The following GRM1 variants were observed in gnomAD, a reference collection of about 807,000 sequenced individuals.
GRM1 encodes the protein metabotropic glutamate receptor 1.
A neutral mutation model predicts 90.9 loss-of-function variants in GRM1; 33 were observed. The ratio of observed to expected loss-of-function variants is 0.36; its 90% CI spans 0.28 to 0.49. The LOEUF is 0.49. GRM1 is among the 20% of genes least tolerant of loss of function. The pLI, the probability that GRM1 is intolerant of heterozygous loss-of-function variation, is 0.99. For synonymous variants in GRM1, 700 were observed against 613.2 expected (o/e 1.14, Z -2.09); for missense variants, 1,190 against 1,534.3 (o/e 0.78, Z 3.75).
chr6:146,328,753 T>C (rs1784485093), intron 3 of GRM1, among the ~76,000 whole-genome samples: 1 of 152,214 alleles, frequency 6.6e-6, no homozygotes, highest in Non-Finnish European at 1.5e-5. Context: ...ATTCTTCACC[T>C]TTCCAGTTGT....
chr6:146,419,083 T>C (rs978358496), intron 7 of GRM1, among the ~76,000 whole-genome samples: 6 of 152,126 alleles, frequency 3.9e-5, no homozygotes, highest in Non-Finnish European at 5.9e-5. Flanking sequence ...TTCGCCTACA[T>C]TGCAATGTGA....
At chr6:146,062,328 C>T (rs895765159) in intron 1 of GRM1, among the ~76,000 whole-genome samples, 1 of 145,718 alleles carries the variant, frequency 6.9e-6, no homozygotes, top group Non-Finnish European at 1.5e-5. Flanking sequence ...GAACATCACA[C>T]ACTAGGGCCT....
intron 2 of GRM1, among the ~76,000 whole-genome samples, chr6:146,245,264 C>T (rs1007279731): frequency 6.6e-6 from 1 of 152,180 alleles, no homozygotes; most frequent in East Asian, 1.9e-4. Flanking sequence ...TAAGCTCATA[C>T]AAAAAAGTAG....
intron 1 of GRM1, among the ~76,000 whole-genome samples, chr6:146,079,999 G>C (rs1213358806): frequency 6.6e-6 from 1 of 152,160 alleles, no homozygotes; most frequent in African/African-American, 2.4e-5. Flanking sequence ...TTCACTATAG[G>C]TTTGCCCCAG....
chr6:146,269,090 T>G (rs1195167638), intron 2 of GRM1, among the ~76,000 whole-genome samples: 1 of 152,172 alleles, frequency 6.6e-6, no homozygotes, highest in Non-Finnish European at 1.5e-5. Context: ...CAACAACATA[T>G]GTATTCCTTA....
In GRM1 at chr6:146,109,721, T is replaced by C. The variant is rs141064669; in HGVS notation, c.701-49627T>C. 1.8e-3 allele frequency among the ~76,000 whole-genome samples: 271 copies of C among 152,220 alleles called. 2 individuals are homozygous for C. The highest frequency in any genetic ancestry group is 6.3e-3 in the African/African-American group (263 of 41,550). On this transcript the variant is annotated intron_variant, in intron 1 of 7. Coordinates refer to ENST00000282753, the MANE Select transcript of GRM1 (RefSeq NM_001278064.2). ...ACCTGGAAAATCCATAGATACTCAA[T>C]TCCGGCCCACGAAAACAGCCAGAAG...
At chr6:146,075,817 C>T (rs1192491236) in intron 1 of GRM1, among the ~76,000 whole-genome samples, 1 of 152,190 alleles carries the variant, frequency 6.6e-6, no homozygotes, top group African/African-American at 2.4e-5. Context: ...GCAATCTCTG[C>T]TCCATCTCTT....
chr6:146,405,386 G>C (rs1169093269), intron 7 of GRM1, among the ~76,000 whole-genome samples: 1 of 152,150 alleles, frequency 6.6e-6, no homozygotes, highest in East Asian at 1.9e-4. Context: ...GTAGACAAAG[G>C]TTATCAAAAA....
chr6:146,084,601 ATTGT>A (rs1776479861), intron 1 of GRM1, among the ~76,000 whole-genome samples: 1 of 151,830 alleles, frequency 6.6e-6, no homozygotes, highest in Non-Finnish European at 1.5e-5. Context: ...GGTCTGAGGG[ATTGT>A]TTGTTGTGAT....
At chr6:146,382,800 T>G (rs1776363842) in intron 5 of GRM1, among the ~76,000 whole-genome samples, 1 of 152,182 alleles carries the variant, frequency 6.6e-6, no homozygotes, top group South Asian at 2.1e-4. Context: ...ATTTATTGGC[T>G]GTGTGTTATT....
At chr6:146,298,907 A>G (rs1783276687) in intron 2 of GRM1, among the ~76,000 whole-genome samples, 1 of 152,244 alleles carries the variant, frequency 6.6e-6, no homozygotes, top group African/African-American at 2.4e-5. Context: ...TATCAAATAT[A>G]CAGTAGATAG....
At chr6:146,293,997 T>C (rs2114894113) in intron 2 of GRM1, among the ~76,000 whole-genome samples, 1 of 151,852 alleles carries the variant, frequency 6.6e-6, no homozygotes, top group African/African-American at 2.4e-5. Flanking sequence ...CTTCTCTCTT[T>C]TTCATCCATG....
At chr6:146,094,128 A>G (rs1034407444) in intron 1 of GRM1, among the ~76,000 whole-genome samples, 2 of 152,144 alleles carry the variant, frequency 1.3e-5, no homozygotes, top group African/African-American at 4.8e-5. Context: ...GGGACAATGA[A>G]GTCTTTAACA....
chr6:146,091,899 A>G (rs999021196), intron 1 of GRM1, among the ~76,000 whole-genome samples: 1 of 152,130 alleles, frequency 6.6e-6, no homozygotes, highest in African/African-American at 2.4e-5. Context: ...AGAAAAGTCA[A>G]GCTCAAGAAA....
chr6:146,357,399 A>G (rs1326757795), intron 4 of GRM1, 127 bp from the exon 5 acceptor site: 4 of 747,160 alleles, frequency 5.4e-6, no homozygotes, highest in African/African-American at 3.5e-5. Flanking sequence ...AAGCTAAAAT[A>G]TTGGCAGTAG....
At chr6:146,293,331 T>C (rs1165857335) in intron 2 of GRM1, among the ~76,000 whole-genome samples, 2 of 152,018 alleles carry the variant, frequency 1.3e-5, no homozygotes, top group African/African-American at 2.4e-5. Flanking sequence ...GGAGAGGAGA[T>C]GCTTGATGCA....
intron 2 of GRM1, among the ~76,000 whole-genome samples, chr6:146,182,375 A>G (rs1338668712): frequency 6.6e-6 from 1 of 151,942 alleles, no homozygotes; most frequent in Non-Finnish European, 1.5e-5. Context: ...TTCTTTTTTG[A>G]ATTTGTCTTG....
At position 146,419,137 on chromosome 6, in the gene GRM1, C is replaced by G. The variant is rs76591978; in HGVS notation, c.2661-14735C>G. ...AAACATGTTGGAATTGTGAAGGAAA[C>G]ATATGCAAGATTCCACGAAGGCTAA... On this transcript the variant is annotated intron_variant, in intron 7 of 7. Transcript: ENST00000282753. Among the ~76,000 whole-genome samples, 625 of 152,256 alleles carry G rather than the reference C, an allele frequency of 4.1e-3. 15 individuals are homozygous for G. In the East Asian group the frequency reaches 0.078, roughly 19 times the overall value.
chr6:146,264,805 T>G (rs1781820915), intron 2 of GRM1, among the ~76,000 whole-genome samples: 1 of 152,178 alleles, frequency 6.6e-6, no homozygotes, highest in African/African-American at 2.4e-5. Context: ...TACTGTTTCT[T>G]CGTTATTTCA....
Sources: allele counts gnomAD v4.1 joint callset (sites outside exome capture counted in the v4.1 genomes callset), GRCh38; gene constraint gnomAD v4.1.1; transcripts MANE v1.5; gene names NCBI Gene and HGNC (gene_info 2026-07-23, HGNC 2026-07-21).